The following ADCK1 variants were observed in gnomAD, a reference collection of about 807,000 sequenced individuals.
ADCK1 encodes aarF domain-containing protein kinase 1.
In ADCK1, 41 loss-of-function variants were observed where a neutral mutation model predicts 52.3. The observed-to-expected ratio is 0.78, with a 90% CI of 0.61 to 1.02. The LOEUF (loss-of-function observed/expected upper bound fraction) is 1.02. ADCK1 is among the 50% of genes least tolerant of loss of function. The pLI is 0.00. For missense variants in ADCK1, 658 were observed against 679.5 expected, an observed-to-expected ratio of 0.97 and a Z score of 0.35; for synonymous variants, 250 against 274.6, an observed-to-expected ratio of 0.91 and a Z score of 0.89.
Position 77,804,896 on chromosome 14 carries a change from G to A in ADCK1, c.-12+4726G>A, listed in dbSNP as rs899352541. On this transcript the variant is annotated intron_variant, in intron 1 of 10. Coordinates refer to ENST00000238561, the MANE Select transcript of ADCK1 (RefSeq NM_020421.4). Reference sequence around the variant, plus strand: ...CCACAATGCAGAGTTGAGTAGATGCGTCAGAGATGTTATAGAATGCAAAGC... The same window carrying A: ...CCACAATGCAGAGTTGAGTAGATGCATCAGAGATGTTATAGAATGCAAAGC... Among the ~76,000 whole-genome samples the A allele has an allele frequency of 3.3e-5, 5 of 152,202 alleles. No individual in the cohort carries two copies. In the East Asian group the frequency reaches 5.8e-4, roughly 18 times the overall value.
chr14:77,894,643 C>T (rs1246231548), intron 5 of ADCK1, among the ~76,000 whole-genome samples: 1 of 151,350 alleles, frequency 6.6e-6, no homozygotes, highest in Non-Finnish European at 1.5e-5. Flanking sequence ...CAGTGCCTGG[C>T]ATGTAGTAGG....
At chr14:77,829,589 A>T (rs2081796683) in intron 3 of ADCK1, among the ~76,000 whole-genome samples, 1 of 151,426 alleles carries the variant, frequency 6.6e-6, no homozygotes, top group African/African-American at 2.4e-5. Context: ...GAGCCACCGT[A>T]TCTGGGCAAA....
intron 5 of ADCK1, among the ~76,000 whole-genome samples, chr14:77,897,589 G>A (rs17106558): frequency 0.13 from 19,102 of 152,194 alleles, 1,326 homozygotes; most frequent in Middle Eastern, 0.23. Context: ...CCACAGTGGA[G>A]TCAAATTGCC....
At chr14:77,818,016 G>A (rs540945512) in intron 1 of ADCK1, among the ~76,000 whole-genome samples, 3 of 151,900 alleles carry the variant, frequency 2.0e-5, no homozygotes, top group Admixed American at 6.6e-5. Flanking sequence ...GGGATTACAG[G>A]CGTGAGCCAC....
intron 3 of ADCK1, among the ~76,000 whole-genome samples, chr14:77,843,487 G>C (rs1262060404): frequency 6.6e-6 from 1 of 152,192 alleles, no homozygotes; most frequent in East Asian, 1.9e-4. Context: ...GTCCTCTTCA[G>C]CTTTTCTGGC....
intron 6 of ADCK1, chr14:77,900,590 G>GAACAAC (rs3837641): frequency 1.1e-5 from 5 of 447,514 alleles, no homozygotes; most frequent in East Asian, 7.1e-5. Context: ...GCGTCTCAAG[G>GAACAAC]AACAACAACA....
At chr14:77,845,605 A>G (rs1594925438) in intron 3 of ADCK1, among the ~76,000 whole-genome samples, 5 of 152,192 alleles carry the variant, frequency 3.3e-5, no homozygotes, top group Admixed American at 3.3e-4. Flanking sequence ...TTGTATTTTT[A>G]GTAGAGATGA....
chr14:77,916,301 C>T (rs868853946), intron 7 of ADCK1, among the ~76,000 whole-genome samples: 23 of 151,874 alleles, frequency 1.5e-4, no homozygotes, highest in African/African-American at 4.1e-4. Flanking sequence ...AGGAGGCTCT[C>T]TGGCCAGAGA....
intron 3 of ADCK1, among the ~76,000 whole-genome samples, chr14:77,829,176 C>T (rs1015679486): frequency 1.3e-5 from 2 of 151,206 alleles, no homozygotes; most frequent in Admixed American, 6.6e-5. Context: ...TTAGGTATAT[C>T]GTTTTGCTAC....
intron 3 of ADCK1, 98 bp downstream of exon 3, chr14:77,822,616 C>A: frequency 1.8e-6 from 2 of 1,095,500 alleles, no homozygotes; most frequent in South Asian, 1.3e-5. Context: ...CCGCAAAGTG[C>A]TGGGATTAAA....
chr14:77,932,104 A>G (rs1452203266), intron 10 of ADCK1, among the ~76,000 whole-genome samples: 1 of 152,154 alleles, frequency 6.6e-6, no homozygotes, highest in Non-Finnish European at 1.5e-5. Context: ...GCTGGAGTAC[A>G]GTGGTGTGAT....
At chr14:77,819,861 A>G (rs1419364145) in intron 2 of ADCK1, among the ~76,000 whole-genome samples, 1 of 152,188 alleles carries the variant, frequency 6.6e-6, no homozygotes, top group African/African-American at 2.4e-5. Flanking sequence ...TCTGATGCAC[A>G]GTCTATTGTG....
At chr14:77,860,729 T>C (rs2098583) in intron 4 of ADCK1, among the ~76,000 whole-genome samples, 80,681 of 152,070 alleles carry the variant, frequency 0.53, 21,643 homozygotes, top group South Asian at 0.65. Flanking sequence ...GGCATAGTGC[T>C]GGCCCACTCA....
At chr14:77,854,125 A>G (rs1443032082) in intron 3 of ADCK1, among the ~76,000 whole-genome samples, 1 of 152,224 alleles carries the variant, frequency 6.6e-6, no homozygotes, top group Non-Finnish European at 1.5e-5. Context: ...AGAAATGTCA[A>G]GGTTGACATC....
intron 6 of ADCK1, among the ~76,000 whole-genome samples, chr14:77,906,460 C>G (rs555728060): frequency 2.0e-5 from 3 of 152,194 alleles, no homozygotes; most frequent in Admixed American, 6.5e-5. Context: ...AATCTGTTCT[C>G]TTTTTGGTTT....
chr14:77,879,258 G>T lies in ADCK1; in HGVS notation c.424-7833G>T, dbSNP rs372760562. Among the ~76,000 whole-genome samples the T allele has an allele frequency of 5.9e-5, 9 of 152,340 alleles. No homozygotes were observed. In the South Asian group the frequency reaches 1.7e-3, roughly 28 times the overall value. ...CCATCAGGTGTAAGGTGCTTTTGATGCAGTGCTGAGCAAAAGCAGATGTCT... is the reference window on the plus strand; with the variant it reads ...CCATCAGGTGTAAGGTGCTTTTGATTCAGTGCTGAGCAAAAGCAGATGTCT... On this transcript the variant is annotated intron_variant, in intron 4 of 10. Coordinates refer to ENST00000238561, the MANE Select transcript of ADCK1 (RefSeq NM_020421.4).
intron 4 of ADCK1, among the ~76,000 whole-genome samples, chr14:77,882,565 TC>T (rs2083051167): frequency 6.6e-6 from 1 of 152,142 alleles, no homozygotes; most frequent in Non-Finnish European, 1.5e-5. Flanking sequence ...AATTCAGCCG[TC>T]CCCCATCCTG....
At chr14:77,828,256 G>A (rs1418698448) in intron 3 of ADCK1, among the ~76,000 whole-genome samples, 1 of 152,108 alleles carries the variant, frequency 6.6e-6, no homozygotes, top group Non-Finnish European at 1.5e-5. Flanking sequence ...AAGCCACCAT[G>A]TTTGGCCAGC....
At chr14:77,888,406 T>A (rs928398095) in intron 5 of ADCK1, among the ~76,000 whole-genome samples, 1 of 152,254 alleles carries the variant, frequency 6.6e-6, no homozygotes, top group Admixed American at 6.5e-5. Flanking sequence ...TTTGTGGATC[T>A]GAGCAGATCT....
Sources: allele counts gnomAD v4.1 joint callset (sites outside exome capture counted in the v4.1 genomes callset), GRCh38; gene constraint gnomAD v4.1.1; transcripts MANE v1.5; gene names NCBI Gene and HGNC (gene_info 2026-07-23, HGNC 2026-07-21).